Variants in VWA3B observed in about 807,000 individuals in gnomAD.
VWA3B encodes von Willebrand factor A domain-containing protein 3B.
In VWA3B, 138 loss-of-function variants were observed where a neutral mutation model predicts 158.3. That is an observed-to-expected ratio of 0.87 (90% CI 0.76 to 1.00). The LOEUF (loss-of-function observed/expected upper bound fraction) is 1.00. VWA3B is among the 50% of genes least tolerant of loss of function. The pLI, the probability that VWA3B is intolerant of heterozygous loss-of-function variation, is 0.00. For synonymous variants in VWA3B, 596 were observed against 587.3 expected (o/e 1.01, Z -0.21); for missense variants, 1,555 against 1,565.1 (o/e 0.99, Z 0.11).
chr2:98,195,174 A>G (rs1299967241), intron 12 of VWA3B, among the ~76,000 whole-genome samples: 1 of 152,236 alleles, frequency 6.6e-6, no homozygotes. Context: ...GGAGCTGGAC[A>G]TCGTGGTGCA....
intron 1 of VWA3B, among the ~76,000 whole-genome samples, chr2:98,092,604 C>T (rs1016331723): frequency 6.6e-6 from 1 of 151,892 alleles, no homozygotes; most frequent in Admixed American, 6.6e-5. Flanking sequence ...GATTGTGCCA[C>T]TGCACTCCAG....
chr2:98,224,752 T>TC (rs1684778773), intron 14 of VWA3B, among the ~76,000 whole-genome samples: 1 of 37,724 alleles, frequency 2.7e-5, no homozygotes, highest in African/African-American at 1.4e-4. Flanking sequence ...GCAGTGTGAA[T>TC]TAAAAAAAAA....
At chr2:98,096,720 A>T (rs1208193035) in intron 2 of VWA3B, among the ~76,000 whole-genome samples, 4 of 152,192 alleles carry the variant, frequency 2.6e-5, no homozygotes, top group African/African-American at 4.8e-5. Context: ...AATTGTTCAC[A>T]GTAGTCTCTT....
intron 2 of VWA3B, among the ~76,000 whole-genome samples, chr2:98,100,786 C>T (rs1353149540): frequency 6.6e-6 from 1 of 152,136 alleles, no homozygotes; most frequent in African/African-American, 2.4e-5. Flanking sequence ...CTGCATTGTG[C>T]TGCCTGGGGT....
At chr2:98,283,339 G>A (rs759326306) in intron 22 of VWA3B, among the ~76,000 whole-genome samples, 13 of 152,200 alleles carry the variant, frequency 8.5e-5, no homozygotes, top group Non-Finnish European at 1.5e-4. Flanking sequence ...AGACTGTCTC[G>A]TGGTCTCAGT....
chr2:98,196,554 C>T (rs1002739086), intron 12 of VWA3B, among the ~76,000 whole-genome samples: 13 of 152,078 alleles, frequency 8.5e-5, no homozygotes, highest in Admixed American at 7.9e-4. Flanking sequence ...CAAGCATAGG[C>T]GTTCCTAAGG....
chr2:98,200,374 C>T (rs1682429467), intron 12 of VWA3B, among the ~76,000 whole-genome samples: 1 of 152,016 alleles, frequency 6.6e-6, no homozygotes, highest in South Asian at 2.1e-4. Context: ...AACCCCGTCT[C>T]TACTAAAACT....
intron 26 of VWA3B, among the ~76,000 whole-genome samples, chr2:98,308,265 G>A (rs1035426758): frequency 2.0e-5 from 3 of 152,120 alleles, no homozygotes; most frequent in East Asian, 1.9e-4. Flanking sequence ...GCATGACGAC[G>A]GCATTCTCTG....
At chr2:98,208,420 C>T (rs1683203838) in intron 12 of VWA3B, among the ~76,000 whole-genome samples, 1 of 151,692 alleles carries the variant, frequency 6.6e-6, no homozygotes, top group Non-Finnish European at 1.5e-5. Flanking sequence ...TTGTGTGTCT[C>T]CTCTGTTTCT....
At chr2:98,167,528 A>C (rs1457131135) in intron 8 of VWA3B, among the ~76,000 whole-genome samples, 5 of 152,058 alleles carry the variant, frequency 3.3e-5, no homozygotes, top group African/African-American at 1.2e-4. Context: ...CGCACAGAGG[A>C]GGAACGTAGG....
chr2:98,304,529 C>T (rs1338510391), intron 26 of VWA3B, among the ~76,000 whole-genome samples: 1 of 152,144 alleles, frequency 6.6e-6, no homozygotes, highest in African/African-American at 2.4e-5. Context: ...CTCCTAATGG[C>T]CTTACCTTCT....
chr2:98,256,126 G>T lies in VWA3B; in HGVS notation c.2795G>T (p.Arg932Leu), dbSNP rs199730936. 1 of 1,612,890 alleles carries T rather than the reference G, an allele frequency of 6.2e-7. No individual in the cohort carries two copies. Among genetic ancestry groups the T allele is most frequent in the Non-Finnish European group, 8.5e-7 (1 of 1,179,780 alleles). ...VEQAIQSYEK[R>L]LNKIVWRALS... ...TGTTGACTTTTTTTTTTTAACAGGC[G>T]CTTGAATAAAATTGTTTGGCGAGCA... is the stretch of plus-strand genomic sequence containing the variant. The change falls in exon 21 of 28, where the codon CGC becomes CTC. Residue 932 changes from arginine (R) to leucine (L), a missense_variant and splice_region_variant. By Grantham distance (102) the Arg-to-Leu change is moderately radical (BLOSUM62 -2). Coordinates refer to ENST00000477737, the MANE Select transcript of VWA3B (RefSeq NM_144992.5).
chr2:98,199,544 G>A (rs561157190), intron 12 of VWA3B, among the ~76,000 whole-genome samples: 63 of 152,276 alleles, frequency 4.1e-4, no homozygotes, highest in Non-Finnish European at 7.1e-4. Context: ...AGGACCAGGC[G>A]ACTCTTGCTC....
chr2:98,276,877 C>G (rs535473288), intron 22 of VWA3B, among the ~76,000 whole-genome samples: 3 of 152,276 alleles, frequency 2.0e-5, no homozygotes, highest in African/African-American at 7.2e-5. Context: ...GGGTTGCCCT[C>G]CCCCGCCCCA....
At chr2:98,308,462 T>A (rs1449675339) in intron 26 of VWA3B, among the ~76,000 whole-genome samples, 3 of 152,264 alleles carry the variant, frequency 2.0e-5, no homozygotes, top group African/African-American at 4.8e-5. Context: ...AGAACATATG[T>A]GTAGTTTCTC....
intron 24 of VWA3B, 31 bp downstream of exon 24, chr2:98,298,062 C>CT: frequency 6.9e-7 from 1 of 1,444,840 alleles, no homozygotes; most frequent in Non-Finnish European, 9.1e-7. Flanking sequence ...TCTGGGGCCC[C>CT]TTTTCACCAT....
At chr2:98,209,597 T>C (rs920542284) in intron 12 of VWA3B, among the ~76,000 whole-genome samples, 2 of 152,194 alleles carry the variant, frequency 1.3e-5, no homozygotes, top group African/African-American at 2.4e-5. Flanking sequence ...GGGGTTTTTT[T>C]CAGTCATTAC....
chr2:98,197,941 A>G (rs1682197978), intron 12 of VWA3B, among the ~76,000 whole-genome samples: 1 of 152,054 alleles, frequency 6.6e-6, no homozygotes, highest in Non-Finnish European at 1.5e-5. Context: ...ACCGGATTGT[A>G]TCACTGCTTT....
intron 2 of VWA3B, among the ~76,000 whole-genome samples, chr2:98,107,243 G>A (rs1673738871): frequency 6.6e-6 from 1 of 151,966 alleles, no homozygotes; most frequent in South Asian, 2.1e-4. Flanking sequence ...TGCTAATGTT[G>A]TGTTACGGAT....
Sources: allele counts gnomAD v4.1 joint callset (sites outside exome capture counted in the v4.1 genomes callset), GRCh38; gene constraint gnomAD v4.1.1; transcripts MANE v1.5; gene names NCBI Gene and HGNC (gene_info 2026-07-23, HGNC 2026-07-21).